SAXO1: variants seen among roughly 807,000 people sequenced by gnomAD.
SAXO1 encodes the protein stabilizer of axonemal microtubules 1.
A neutral mutation model predicts 17.5 loss-of-function variants in SAXO1; 21 were observed. That is an observed-to-expected ratio of 1.20 (90% confidence interval 0.85 to 1.72). The LOEUF is 1.72. SAXO1 is among the 40% of genes most tolerant of loss of function. The pLI is 0.00. For missense variants in SAXO1, 843 were observed against 596.0 expected (o/e 1.41, Z -4.32); for synonymous variants, 274 against 216.5 (o/e 1.27, Z -2.33).
intron 1 of SAXO1, among the ~76,000 whole-genome samples, chr9:18,954,583 T>C (rs993492048): frequency 2.6e-5 from 4 of 152,042 alleles, no homozygotes; most frequent in Admixed American, 1.3e-4. Context: ...GCAATCCACC[T>C]ACCTCAGCCA....
At chr9:18,967,464 G>C (rs549555658) in intron 1 of SAXO1, among the ~76,000 whole-genome samples, 1 of 152,346 alleles carries the variant, frequency 6.6e-6, no homozygotes, top group South Asian at 2.1e-4. Context: ...GGAATCTAGA[G>C]AGGCTGTCTG....
intron 2 of SAXO1, among the ~76,000 whole-genome samples, chr9:18,948,834 A>G (rs1221842912): frequency 6.6e-6 from 1 of 152,206 alleles, no homozygotes; most frequent in Non-Finnish European, 1.5e-5. Context: ...GAAGCCAACT[A>G]GACATCTCAC....
At chr9:18,982,710 T>C (rs1408496325) in intron 1 of SAXO1, among the ~76,000 whole-genome samples, 1 of 152,226 alleles carries the variant, frequency 6.6e-6, no homozygotes, top group Non-Finnish European at 1.5e-5. Context: ...CCTACATTAA[T>C]TCACTGGATG....
chr9:19,046,056 T>C (rs1249956263), intron 1 of SAXO1, among the ~76,000 whole-genome samples: 1 of 99,366 alleles, frequency 1.0e-5, no homozygotes, highest in Admixed American at 1.4e-4. Context: ...CCGTTGCGCC[T>C]GGGCAACAAG....
At chr9:19,001,297 T>G (rs1044299335) in intron 1 of SAXO1, among the ~76,000 whole-genome samples, 20 of 152,206 alleles carry the variant, frequency 1.3e-4, no homozygotes, top group Non-Finnish European at 1.8e-4. Context: ...CACTCAAAAC[T>G]GCACAACTAC....
chr9:19,023,262 G>A (rs894221677), intron 1 of SAXO1, among the ~76,000 whole-genome samples: 11 of 151,506 alleles, frequency 7.3e-5, no homozygotes, highest in African/African-American at 2.7e-4. Flanking sequence ...GCTGCTGGCA[G>A]GATCTCCCAC....
chr9:18,941,974 T>A, intron 2 of SAXO1, 135 bp from the exon 3 acceptor site: 1 of 762,766 alleles, frequency 1.3e-6, no homozygotes, highest in South Asian at 1.7e-5. Flanking sequence ...TCCCCCGAAC[T>A]GTTTCTCCTC....
intron 1 of SAXO1, among the ~76,000 whole-genome samples, chr9:18,967,267 G>A (rs1028340593): frequency 5.3e-5 from 8 of 152,210 alleles, no homozygotes; most frequent in South Asian, 2.1e-4. Context: ...AGCAGAGCTC[G>A]ACAGCTGTCC....
intron 2 of SAXO1, 32 bp downstream of exon 2, chr9:18,950,726 T>C (rs1183447508): frequency 9.5e-6 from 15 of 1,581,094 alleles, no homozygotes; most frequent in East Asian, 2.2e-5. Flanking sequence ...GTGTTGTATG[T>C]ACCTGCATAC....
intron 1 of SAXO1, among the ~76,000 whole-genome samples, chr9:18,952,992 C>T (rs7044864): frequency 0.65 from 98,472 of 152,036 alleles, 33,233 homozygotes; most frequent in Non-Finnish European, 0.76. Flanking sequence ...TCGCCCACAG[C>T]GGATGCATGT....
chr9:19,032,987 T>C lies in SAXO1; in HGVS notation c.-79A>G. The C allele has an allele frequency of 6.8e-7, 1 of 1,468,576 alleles. No homozygotes were observed. Among genetic ancestry groups the C allele is most frequent in the Non-Finnish European group, 9.2e-7 (1 of 1,091,358 alleles). The allele number at this position is 1,468,576 out of a possible 1,614,324, so 91.0% of individuals were successfully genotyped here. A position where few individuals can be genotyped will look rare whatever the true frequency, so the allele number is the denominator to read the frequency against. ...ACTCCTAGACCCCAACCACCTGTCT[T>C]GGGGCACGCCCAGGCTCGAGGGTCT... is the stretch of plus-strand genomic sequence containing the variant. On this transcript the variant is annotated 5_prime_UTR_variant, in exon 1 of 4. Transcript: ENST00000380534.
intron 1 of SAXO1, among the ~76,000 whole-genome samples, chr9:19,030,743 T>C (rs1483211897): frequency 6.6e-6 from 1 of 151,818 alleles, no homozygotes; most frequent in African/African-American, 2.4e-5. Context: ...GATTCAATGT[T>C]CTGTTTGAGG....
intron 1 of SAXO1, among the ~76,000 whole-genome samples, chr9:19,002,788 T>C (rs1296580478): frequency 2.0e-5 from 3 of 152,178 alleles, no homozygotes; most frequent in African/African-American, 4.8e-5. Flanking sequence ...GCCAATATCA[T>C]ACTAACTGGG....
chr9:19,008,284 G>C (rs1206680015), intron 1 of SAXO1, among the ~76,000 whole-genome samples: 1 of 152,082 alleles, frequency 6.6e-6, no homozygotes, highest in African/African-American at 2.4e-5. Flanking sequence ...AGCCTACCTG[G>C]TCCTTTATAG....
At chr9:18,957,778 T>C (rs1266451322) in intron 1 of SAXO1, among the ~76,000 whole-genome samples, 2 of 152,186 alleles carry the variant, frequency 1.3e-5, no homozygotes, top group Non-Finnish European at 2.9e-5. Flanking sequence ...TGGTGTTTTG[T>C]CTTAACAACC....
intron 1 of SAXO1, among the ~76,000 whole-genome samples, chr9:19,016,920 G>C (rs1158104558): frequency 6.7e-6 from 1 of 149,936 alleles, no homozygotes; most frequent in Non-Finnish European, 1.5e-5. Context: ...AAACCAAAAA[G>C]TGAGACGCCC....
rs545343679 is a variant in SAXO1 at position 18,979,475 on chromosome 9, G to C, written c.39-28538C>G. Among the ~76,000 whole-genome samples, 10 of 152,322 alleles carry C rather than the reference G, an allele frequency of 6.6e-5. No individual in the cohort carries two copies. In the South Asian group the frequency reaches 1.7e-3, roughly 25 times the overall value. ...ATGGGGGTATCTGTGCAAAGAGAAG[G>C]ATTTGAGCAAAGGCTCAGGGAGAAG... On this transcript the variant is annotated intron_variant, in intron 1 of 3. Coordinates refer to ENST00000380534, the MANE Select transcript of SAXO1 (RefSeq NM_153707.4).
intron 1 of SAXO1, among the ~76,000 whole-genome samples, chr9:18,967,836 A>G (rs958517321): frequency 2.6e-5 from 4 of 152,040 alleles, no homozygotes; most frequent in African/African-American, 9.7e-5. Context: ...TGCCCAAACA[A>G]CTGCCCAGTT....
chr9:19,004,966 A>T (rs972269742), intron 1 of SAXO1, among the ~76,000 whole-genome samples: 2 of 152,198 alleles, frequency 1.3e-5, no homozygotes, highest in African/African-American at 4.8e-5. Context: ...CAAAACCAAC[A>T]CACTAAAATC....
Sources: allele counts gnomAD v4.1 joint callset (sites outside exome capture counted in the v4.1 genomes callset), GRCh38; gene constraint gnomAD v4.1.1; transcripts MANE v1.5; gene names NCBI Gene and HGNC (gene_info 2026-07-23, HGNC 2026-07-21).